Variants in ANKS1B observed in about 807,000 individuals in gnomAD.
ANKS1B encodes the protein ankyrin repeat and sterile alpha motif domain containing 1B.
Under a neutral mutation model 148.3 loss-of-function variants are expected in ANKS1B, and 36 were observed. The ratio of observed to expected loss-of-function variants is 0.24; its 90% CI spans 0.19 to 0.32. The LOEUF (loss-of-function observed/expected upper bound fraction) is 0.32, where lower values mean the gene tolerates loss of function less well. ANKS1B is among the 10% of genes least tolerant of loss of function. ANKS1B has a pLI of 1.00. For synonymous variants in ANKS1B, 542 were observed against 560.8 expected, an observed-to-expected ratio of 0.97 and a Z score of 0.47; for missense variants, 1,157 against 1,542.6, an observed-to-expected ratio of 0.75 and a Z score of 4.19.
chr12:99,327,472 AAT>A (rs201374113), intron 12 of ANKS1B, among the ~76,000 whole-genome samples: 5,146 of 137,216 alleles, frequency 0.038, 319 homozygotes, highest in African/African-American at 0.13. Flanking sequence ...ATATATGTAA[AAT>A]ATATATATTA....
intron 10 of ANKS1B, among the ~76,000 whole-genome samples, chr12:99,493,977 A>G (rs2096578847): frequency 6.6e-6 from 1 of 152,178 alleles, no homozygotes; most frequent in African/African-American, 2.4e-5. Context: ...AAAAGAATAA[A>G]GAGGACTGTT....
rs115644098 is a variant in ANKS1B, at chr12:99,766,756, T to C, written c.1128+6166A>G. Among the ~76,000 whole-genome samples the C allele has an allele frequency of 1.9e-3, 295 of 152,272 alleles. 1 individual carries two copies. The highest frequency in any genetic ancestry group is 6.6e-3 in the African/African-American group (274 of 41,572). On this transcript the variant is annotated intron_variant, in intron 8 of 26. Coordinates refer to ENST00000683438, the MANE Select transcript of ANKS1B (RefSeq NM_001352186.2). ...GATTTAGCACCACTATAAAAAATTA[T>C]ACATGCTAAAGAATCAGTTATGTTC...
chr12:98,878,043 A>G (rs2099695971), intron 17 of ANKS1B, among the ~76,000 whole-genome samples: 1 of 152,118 alleles, frequency 6.6e-6, no homozygotes, highest in African/African-American at 2.4e-5. Context: ...GAGTATATAC[A>G]GTATACTCTA....
At chr12:99,493,988 T>A (rs575872503) in intron 10 of ANKS1B, among the ~76,000 whole-genome samples, 1 of 152,240 alleles carries the variant, frequency 6.6e-6, no homozygotes, top group East Asian at 1.9e-4. Context: ...GAGGACTGTT[T>A]ACGAGCCTTG....
At chr12:99,504,664 A>G in intron 9 of ANKS1B, 23 bp from the exon 10 acceptor site, 1 of 1,500,180 alleles carries the variant, frequency 6.7e-7, no homozygotes, top group East Asian at 2.4e-5. Context: ...AAAAATAAAA[A>G]CAGCTTTGTG....
At chr12:99,813,977 A>G (rs2068766133) in intron 2 of ANKS1B, among the ~76,000 whole-genome samples, 1 of 151,618 alleles carries the variant, frequency 6.6e-6, no homozygotes, top group African/African-American at 2.4e-5. Flanking sequence ...ATCATACCTC[A>G]TTTTTACTGT....
intron 14 of ANKS1B, chr12:99,154,924 TTGTCTGCAAGCTGTAAGCCTGCTGC>T (rs1424382321): frequency 6.5e-7 from 1 of 1,535,428 alleles, no homozygotes; most frequent in Non-Finnish European, 8.7e-7. Flanking sequence ...CAGATTTTTT[TTGTCTGCAAGCTGTAAGCCTGCTGC>T]TGCTGCTTCC....
At chr12:99,849,112 T>C (rs1207651489) in intron 1 of ANKS1B, among the ~76,000 whole-genome samples, 3 of 152,136 alleles carry the variant, frequency 2.0e-5, no homozygotes, top group Admixed American at 6.5e-5. Flanking sequence ...ACCTGGATGA[T>C]GGATTCATTC....
At chr12:98,743,068 G>A (rs1393821188), downstream of ANKS1B, among the ~76,000 whole-genome samples, 1 of 152,148 alleles carries the variant, frequency 6.6e-6, no homozygotes, top group African/African-American at 2.4e-5. Context: ...TAATTCTCTT[G>A]AGGCTAGATC....
chr12:99,301,266 T>TCCA (rs1179728671), intron 12 of ANKS1B, among the ~76,000 whole-genome samples: 1 of 152,140 alleles, frequency 6.6e-6, no homozygotes, highest in East Asian at 1.9e-4. Flanking sequence ...GTTAATCTCT[T>TCCA]CCAAAAGGAC....
intron 8 of ANKS1B, 69 bp downstream of exon 8, chr12:99,772,853 C>A: frequency 6.9e-7 from 1 of 1,457,964 alleles, no homozygotes; most frequent in Non-Finnish European, 9.3e-7. Flanking sequence ...ACATCCCATA[C>A]CTCTTAAGTG....
At chr12:99,398,441 A>T (rs1038407622) in intron 12 of ANKS1B, among the ~76,000 whole-genome samples, 1 of 152,122 alleles carries the variant, frequency 6.6e-6, no homozygotes, top group African/African-American at 2.4e-5. Context: ...TCTAAATTCA[A>T]ATCAGAATTT....
At chr12:99,332,453 C>A (rs1025991408) in intron 12 of ANKS1B, among the ~76,000 whole-genome samples, 6 of 152,004 alleles carry the variant, frequency 3.9e-5, no homozygotes, top group African/African-American at 1.4e-4. Flanking sequence ...CCCTTCCGTT[C>A]TCTGCATTGT....
intron 12 of ANKS1B, among the ~76,000 whole-genome samples, chr12:99,360,668 T>C (rs551543782): frequency 3.9e-5 from 6 of 152,258 alleles, no homozygotes; most frequent in African/African-American, 1.4e-4. Flanking sequence ...ATGTACAAAA[T>C]AGTGGTTTTC....
At chr12:99,563,078 T>C (rs1350596483) in intron 9 of ANKS1B, among the ~76,000 whole-genome samples, 1 of 152,208 alleles carries the variant, frequency 6.6e-6, no homozygotes, top group Non-Finnish European at 1.5e-5. Context: ...TTAAGCCTTG[T>C]TCTTTATTAG....
At chr12:99,699,277 ATG>A (rs2054429992) in intron 8 of ANKS1B, among the ~76,000 whole-genome samples, 3 of 152,186 alleles carry the variant, frequency 2.0e-5, no homozygotes, top group East Asian at 1.9e-4. Context: ...CCATTTTTCC[ATG>A]TGTTTTTTCT....
chr12:99,843,156 T>A (rs921124543), intron 1 of ANKS1B, among the ~76,000 whole-genome samples: 1 of 152,142 alleles, frequency 6.6e-6, no homozygotes, highest in Non-Finnish European at 1.5e-5. Flanking sequence ...ATCATTTCTG[T>A]CATTTATGTT....
chr12:99,366,124 C>T (rs2092752685), intron 12 of ANKS1B, among the ~76,000 whole-genome samples: 1 of 152,294 alleles, frequency 6.6e-6, no homozygotes, highest in Admixed American at 6.5e-5. Context: ...CCAAATCAGC[C>T]GGGCTCTGGG....
At chr12:99,589,708 A>G (rs2097680404) in intron 9 of ANKS1B, among the ~76,000 whole-genome samples, 1 of 152,222 alleles carries the variant, frequency 6.6e-6, no homozygotes. Context: ...CCATCAGAAC[A>G]TAATTCAGAA....
Sources: allele counts gnomAD v4.1 joint callset (sites outside exome capture counted in the v4.1 genomes callset), GRCh38; gene constraint gnomAD v4.1.1; transcripts MANE v1.5; gene names NCBI Gene and HGNC (gene_info 2026-07-23, HGNC 2026-07-21).